Variants in CR2 observed in about 807,000 individuals in gnomAD.
CR2 encodes complement receptor type 2.
Under a neutral mutation model 123.0 loss-of-function variants are expected in CR2, and 96 were observed. The observed-to-expected ratio is 0.78, with a 90% confidence interval of 0.66 to 0.93. The LOEUF (loss-of-function observed/expected upper bound fraction) is 0.93. Among genes scored for constraint, CR2 ranks in the 40% least tolerant of loss-of-function variants. The probability of loss-of-function intolerance (pLI) is 0.00; values close to 1 mark genes in which losing one functional copy is unlikely to be tolerated. For missense variants in CR2, 1,258 were observed against 1,361.0 expected, an observed-to-expected ratio of 0.92 and a Z score of 1.19; for synonymous variants, 484 against 469.5, an observed-to-expected ratio of 1.03 and a Z score of -0.40.
intron 15 of CR2, among the ~76,000 whole-genome samples, chr1:207,477,593 G>A (rs7549152): frequency 6.6e-5 from 10 of 151,968 alleles, no homozygotes; most frequent in African/African-American, 9.7e-5. Context: ...TTACCAATTC[G>A]GCCCTCACCA....
rs756117589 is a variant in CR2 at position 207,485,498 on chromosome 1, T to A, written c.3223T>A (p.Phe1075Ile). 19 of 1,613,270 alleles carry A rather than the reference T, an allele frequency of 1.2e-5. No homozygotes were observed. Among genetic ancestry groups the A allele is most frequent in the Middle Eastern group, 3.3e-4 (2 of 6,078 alleles). ...TACAGATACAAGCCAGAAAGAAGCT[T>A]TTCATTTAGAAGCACGAGAAGTATA... ...YYTDTSQKEA[F>I]HLEAREVYSV... Residue 1075 changes from phenylalanine (F) to isoleucine (I), a missense_variant, in exon 19 of 20, where the codon TTT (phenylalanine) becomes ATT (isoleucine). Phe to Ile is a conservative substitution (Grantham distance 21). Coordinates refer to ENST00000367057, the MANE Select transcript of CR2 (RefSeq NM_001006658.3).
Position 207,489,297 on chromosome 1 carries a change from A to G in CR2, c.*174A>G, listed in dbSNP as rs1658826662. 6.6e-6 allele frequency: 1 copy of G among 152,222 alleles called. No individual in the cohort carries two copies. Among genetic ancestry groups the G allele is most frequent in the African/African-American group, 2.4e-5 (1 of 41,466 alleles). The allele number at this position is 152,222 out of a possible 1,614,324, so 9.4% of individuals were successfully genotyped here. A position where few individuals can be genotyped will look rare whatever the true frequency, so the allele number is the denominator to read the frequency against. On this transcript the variant is annotated 3_prime_UTR_variant, in exon 20 of 20. Transcript: ENST00000367057. ...TTCTCAAGAAGAACATCTTTATGGT[A>G]AAGATGGGAGCCCAGTTTCACTGCC...
In CR2 at chr1:207,469,708, A is replaced by T; in HGVS notation, c.831A>T (p.Pro277=). The part of the protein sequence containing the change: ...KMPVCEEIFC[P]SPPPILNGRH... ...CAATTCCCCTAGAAATTTTTTGCCC[A>T]TCACCTCCCCCTATTCTCAATGGAA... The change falls in exon 6 of 20, where the codon CCA becomes CCT. Residue 277 remains proline, a synonymous_variant. Transcript: ENST00000367057. The T allele has an allele frequency of 6.2e-7, 1 of 1,613,794 alleles. No individual in the cohort carries two copies. Among genetic ancestry groups the T allele is most frequent in the Admixed American group, 1.7e-5 (1 of 59,982 alleles).
chr1:207,468,515 G>A lies in CR2; in HGVS notation c.446-12G>A, dbSNP rs985682133. 3.7e-6 allele frequency: 6 copies of A among 1,613,446 alleles called. No individual in the cohort carries two copies. The highest frequency in any genetic ancestry group is 2.7e-5 in the African/African-American group (2 of 74,932). On this transcript the variant is annotated splice_polypyrimidine_tract_variant and intron_variant, in intron 2 of 19. Coordinates refer to ENST00000367057, the MANE Select transcript of CR2 (RefSeq NM_001006658.3). ...TCTGACGGCTTTTTTTTCCTGGTAT[G>A]TGTGTGTAAAGTTTTCCCTCTCGAG... is the stretch of plus-strand genomic sequence containing the variant.
chr1:207,478,233 G>A (rs1572961832), intron 16 of CR2, among the ~76,000 whole-genome samples, 163 bp downstream of exon 16: 2 of 152,014 alleles, frequency 1.3e-5, no homozygotes, highest in Non-Finnish European at 2.9e-5. Context: ...TCTAGAAAAA[G>A]CACAGCTTGG....
chr1:207,457,935 G>C (rs1324525692), intron 1 of CR2, among the ~76,000 whole-genome samples: 1 of 151,832 alleles, frequency 6.6e-6, no homozygotes, highest in Non-Finnish European at 1.5e-5. Flanking sequence ...ATTATCTATA[G>C]TTCTGTCCTC....
chr1:207,486,418 G>A (rs985910469), intron 19 of CR2, among the ~76,000 whole-genome samples: 8 of 152,046 alleles, frequency 5.3e-5, no homozygotes, highest in South Asian at 4.2e-4. Context: ...GGATGTGGGC[G>A]AGAGGATGAT....
chr1:207,466,614 C>T lies in CR2; in HGVS notation c.147C>T (p.Tyr49=), dbSNP rs751278335. 1 of 1,614,020 alleles carries T rather than the reference C, an allele frequency of 6.2e-7. No homozygotes were observed. The highest frequency in any genetic ancestry group is 1.1e-5 in the South Asian group (1 of 91,072). ...TPIAVGTVIR[Y]SCSGTFRLIG... ...TTGCTGTTGGTACCGTGATAAGGTA[C>T]AGTTGTTCAGGTACCTTCCGCCTCA... Residue 49 remains tyrosine, a synonymous_variant, in exon 2 of 20, where the codon TAC becomes TAT. Coordinates refer to ENST00000367057, the MANE Select transcript of CR2 (RefSeq NM_001006658.3).
chr1:207,475,262 A>G (rs1166332737), intron 14 of CR2, 46 bp downstream of exon 14: 1 of 1,602,122 alleles, frequency 6.2e-7, no homozygotes, highest in Non-Finnish European at 8.5e-7. Flanking sequence ...GTACAGAATA[A>G]AGAAAAGAGG....
chr1:207,465,820 A>C (rs1348836555), intron 1 of CR2, among the ~76,000 whole-genome samples: 1 of 152,256 alleles, frequency 6.6e-6, no homozygotes, highest in African/African-American at 2.4e-5. Flanking sequence ...GCCATTATTC[A>C]AAACCTCTGT....
At chr1:207,457,060 A>C (rs375306221) in intron 1 of CR2, among the ~76,000 whole-genome samples, 2 of 152,114 alleles carry the variant, frequency 1.3e-5, no homozygotes, top group Non-Finnish European at 2.9e-5. Context: ...ACTGTGTTCT[A>C]TTTTCTACAG....
Position 207,488,292 on chromosome 1 carries a change from A to G in CR2, c.*19-850A>G, listed in dbSNP as rs79578547. Among the ~76,000 whole-genome samples, 1,477 of 152,310 alleles carry G rather than the reference A, an allele frequency of 9.7e-3. 30 individuals carry two copies. Among genetic ancestry groups the G allele is most frequent in the African/African-American group, 0.034 (1,418 of 41,550 alleles). Reference sequence around the variant, plus strand: ...ATTGGCAAAGGTGGAATGCAAGCTCATGCCTGAGTTTAAACTGCTTTCTCC... The same window carrying G: ...ATTGGCAAAGGTGGAATGCAAGCTCGTGCCTGAGTTTAAACTGCTTTCTCC... On this transcript the variant is annotated intron_variant, in intron 19 of 19. Transcript: ENST00000367057.
At chr1:207,458,784 G>T (rs77625468) in intron 1 of CR2, among the ~76,000 whole-genome samples, 1 of 152,036 alleles carries the variant, frequency 6.6e-6, no homozygotes, top group Non-Finnish European at 1.5e-5. Flanking sequence ...TTCATGTTCA[G>T]CACCTTCTTA....
At chr1:207,470,958 T>A (rs770988364) in intron 7 of CR2, 39 bp from the exon 8 acceptor site, 1 of 1,613,812 alleles carries the variant, frequency 6.2e-7, no homozygotes, top group East Asian at 2.2e-5. Flanking sequence ...ACTTTAAGAT[T>A]GCCTTGAATT....
chr1:207,466,851 G>A lies in CR2; in HGVS notation c.384G>A (p.Lys128=), dbSNP rs1347135174. 2.5e-6 allele frequency: 4 copies of A among 1,612,500 alleles called. No homozygotes were observed. Among genetic ancestry groups the A allele is most frequent in the East Asian group, 2.2e-5 (1 of 44,872 alleles). ...CKTNFSMNGN[K]SVWCQANNMW... ...CCAACTTCTCCATGAACGGAAACAA[G>A]TCTGTTTGGTGTCAAGCAAATAATA... The change falls in exon 2 of 20, where the codon AAG becomes AAA. Residue 128 remains lysine, a synonymous_variant. Coordinates refer to ENST00000367057, the MANE Select transcript of CR2 (RefSeq NM_001006658.3).
intron 18 of CR2, among the ~76,000 whole-genome samples, chr1:207,480,637 A>G (rs1203352616): frequency 2.0e-5 from 3 of 152,184 alleles, no homozygotes; most frequent in Non-Finnish European, 4.4e-5. Flanking sequence ...ATTACTAAAG[A>G]TAAGTGCATG....
intron 15 of CR2, among the ~76,000 whole-genome samples, 157 bp downstream of exon 15, chr1:207,476,576 C>T (rs1201564502): frequency 1.3e-5 from 2 of 152,074 alleles, no homozygotes; most frequent in Non-Finnish European, 2.9e-5. Flanking sequence ...TTAAATATCT[C>T]AAAATAAGAA....
chr1:207,476,328 C>T lies in CR2; in HGVS notation c.2811C>T (p.Tyr937=), dbSNP rs748232291. 1.9e-6 allele frequency: 3 copies of T among 1,613,998 alleles called. No individual in the cohort carries two copies. The highest frequency in any genetic ancestry group is 2.2e-5 in the South Asian group (2 of 91,088). The change falls in exon 15 of 20, where the codon TAC becomes TAT. Residue 937 remains tyrosine (Y), a synonymous_variant. Coordinates refer to ENST00000367057, the MANE Select transcript of CR2 (RefSeq NM_001006658.3). ...TTTCTCCTGGAATGTCAATCCTGTA[C>T]AGCTGTGACCAAGGCTACCTGCTGG... ...ARFSPGMSIL[Y]SCDQGYLLVG... is the part of the protein sequence containing the mutation.
rs1413470454 is a variant in CR2, at chr1:207,489,881, A to G, written c.*758A>G. On this transcript the variant is annotated 3_prime_UTR_variant, in exon 20 of 20. Transcript: ENST00000367057. ...TAGTCATTCAATAAATTGTAATTGT[A>G]AAGAAAACATACAACACTTGCCTTA... 4 of 148,568 alleles carry G rather than the reference A, an allele frequency of 2.7e-5. No individual in the cohort carries two copies. The East Asian group carries it at 8.0e-4, about 30-fold the overall frequency. 9.2% of individuals were successfully genotyped at this position (148,568 alleles called of 1,614,324 possible).
Sources: allele counts gnomAD v4.1 joint callset (sites outside exome capture counted in the v4.1 genomes callset), GRCh38; gene constraint gnomAD v4.1.1; transcripts MANE v1.5; gene names NCBI Gene and HGNC (gene_info 2026-07-23, HGNC 2026-07-21).